The following ARHGAP15 variants were observed in gnomAD, a reference collection of about 807,000 sequenced individuals.
ARHGAP15 encodes Rho GTPase activating protein 15.
Under a neutral mutation model 63.7 loss-of-function variants are expected in ARHGAP15, and 51 were observed. That is an observed-to-expected ratio of 0.80 (90% CI 0.64 to 1.01). The LOEUF (loss-of-function observed/expected upper bound fraction) is 1.01, where lower values mean the gene tolerates loss of function less well. Ranked by LOEUF, ARHGAP15 falls within the 50% of genes least tolerant of loss-of-function variation. The pLI is 0.00. For missense variants in ARHGAP15, 560 were observed against 564.6 expected (o/e 0.99, Z 0.08); for synonymous variants, 191 against 193.8 (o/e 0.99, Z 0.12).
At chr2:143,651,989 A>T (rs780074850) in intron 12 of ARHGAP15, among the ~76,000 whole-genome samples, 17 of 151,766 alleles carry the variant, frequency 1.1e-4, no homozygotes, top group Non-Finnish European at 1.8e-4. Context: ...CTTTTTTGTC[A>T]TCTCTGCATT....
intron 2 of ARHGAP15, among the ~76,000 whole-genome samples, chr2:143,157,106 A>G (rs1690111876): frequency 1.3e-5 from 2 of 151,986 alleles, no homozygotes; most frequent in South Asian, 4.1e-4. Context: ...TATGGAGAGA[A>G]ATTACAAGTG....
intron 6 of ARHGAP15, among the ~76,000 whole-genome samples, chr2:143,429,537 G>C (rs1689292572): frequency 6.6e-6 from 1 of 152,032 alleles, no homozygotes; most frequent in East Asian, 1.9e-4. Context: ...TGCTTACATG[G>C]GCAGGTTATT....
At chr2:143,377,662 A>G (rs994354175) in intron 6 of ARHGAP15, among the ~76,000 whole-genome samples, 3 of 152,050 alleles carry the variant, frequency 2.0e-5, no homozygotes, top group Admixed American at 2.0e-4. Flanking sequence ...AATACAACAA[A>G]TACAGTGTTA....
chr2:143,537,854 C>T (rs1416158788), intron 10 of ARHGAP15, among the ~76,000 whole-genome samples: 1 of 152,006 alleles, frequency 6.6e-6, no homozygotes, highest in Non-Finnish European at 1.5e-5. Context: ...ATTGACTTGG[C>T]AATGCGGGCT....
chr2:143,285,536 T>G (rs965050441), intron 6 of ARHGAP15, among the ~76,000 whole-genome samples: 2 of 152,194 alleles, frequency 1.3e-5, no homozygotes, highest in African/African-American at 4.8e-5. Context: ...AAATGCATTC[T>G]ATGAACTACT....
chr2:143,526,055 C>T (rs1385430080), intron 10 of ARHGAP15, among the ~76,000 whole-genome samples: 1 of 152,150 alleles, frequency 6.6e-6, no homozygotes, highest in Admixed American at 6.6e-5. Flanking sequence ...ATGCTTGAAA[C>T]TTAAACCTTG....
At chr2:143,664,330 C>T (rs563998713) in intron 12 of ARHGAP15, among the ~76,000 whole-genome samples, 13 of 151,150 alleles carry the variant, frequency 8.6e-5, no homozygotes, top group South Asian at 4.2e-4. Context: ...GGATACATAA[C>T]GAAATGAAGG....
At position 143,675,869 on chromosome 2, in the gene ARHGAP15, C is replaced by T. The variant is rs375340383; in HGVS notation, c.1139-27550C>T. Among the ~76,000 whole-genome samples the T allele has an allele frequency of 1.4e-4, 22 of 152,358 alleles. No homozygotes were observed. In the East Asian group the frequency reaches 4.2e-3, roughly 29 times the overall value. ...CCCTAACAAAGAGAGCCAGCCTGTC[C>T]TTTGAAGCTGTGAAGCTAGGCATTG... On this transcript the variant is annotated intron_variant, in intron 12 of 13. Transcript: ENST00000295095.
At chr2:143,350,822 GA>G (rs1685530285) in intron 6 of ARHGAP15, 1 of 110,810 alleles carries the variant, frequency 9.0e-6, no homozygotes, top group African/African-American at 3.6e-5. Flanking sequence ...CTCGATGACA[GA>G]GCGAGACTCA....
chr2:143,263,749 C>G (rs773965383), intron 6 of ARHGAP15, among the ~76,000 whole-genome samples: 1 of 151,960 alleles, frequency 6.6e-6, no homozygotes, highest in Non-Finnish European at 1.5e-5. Flanking sequence ...CTCTAAAGAG[C>G]AGGAAAAGTC....
intron 7 of ARHGAP15, 96 bp from the exon 8 acceptor site, chr2:143,436,817 A>G: frequency 1.5e-6 from 2 of 1,324,486 alleles, no homozygotes; most frequent in Non-Finnish European, 2.1e-6. Context: ...ACCTTACTTC[A>G]AATTTCCCCA....
At chr2:143,552,246 C>T (rs1365595213) in intron 10 of ARHGAP15, among the ~76,000 whole-genome samples, 2 of 152,184 alleles carry the variant, frequency 1.3e-5, no homozygotes, top group Non-Finnish European at 2.9e-5. Flanking sequence ...AGCAGGCTTT[C>T]AGGACACACC....
intron 8 of ARHGAP15, among the ~76,000 whole-genome samples, chr2:143,438,055 G>C (rs1184512978): frequency 6.6e-6 from 1 of 152,122 alleles, no homozygotes; most frequent in East Asian, 1.9e-4. Flanking sequence ...TGGAACCAGA[G>C]AAAACCTATT....
intron 6 of ARHGAP15, among the ~76,000 whole-genome samples, chr2:143,308,477 A>AACAC (rs4008341): frequency 5.6e-4 from 83 of 149,280 alleles, no homozygotes; most frequent in South Asian, 2.5e-3. Context: ...GTTGATAAGA[A>AACAC]ACACACACAC....
chr2:143,581,960 T>C (rs904217090), intron 11 of ARHGAP15, among the ~76,000 whole-genome samples: 2 of 152,198 alleles, frequency 1.3e-5, no homozygotes, highest in African/African-American at 2.4e-5. Flanking sequence ...CTAAAGACTC[T>C]GGAAAGTGAT....
intron 10 of ARHGAP15, among the ~76,000 whole-genome samples, chr2:143,551,743 T>G (rs535182511): frequency 6.6e-6 from 1 of 152,280 alleles, no homozygotes; most frequent in East Asian, 1.9e-4. Flanking sequence ...GATGGGTGTC[T>G]CATAAGAAAT....
chr2:143,425,972 G>C (rs1689123144), intron 6 of ARHGAP15, among the ~76,000 whole-genome samples: 1 of 152,118 alleles, frequency 6.6e-6, no homozygotes, highest in Non-Finnish European at 1.5e-5. Context: ...TCTCCCCAAA[G>C]TATATAACTT....
intron 1 of ARHGAP15, among the ~76,000 whole-genome samples, chr2:143,148,057 C>A (rs546934908): frequency 4.8e-4 from 73 of 152,098 alleles, no homozygotes; most frequent in African/African-American, 1.7e-3. Context: ...ACCAGGTTCT[C>A]CTAAGGCAGC....
chr2:143,589,697 T>A (rs898502437), intron 11 of ARHGAP15, among the ~76,000 whole-genome samples: 1 of 152,140 alleles, frequency 6.6e-6, no homozygotes, highest in Non-Finnish European at 1.5e-5. Context: ...ATCAATCAAA[T>A]GGCTATGATA....
Sources: gnomAD v4.1 joint callset for allele counts (sites outside exome capture counted in the v4.1 genomes callset) on GRCh38, gnomAD v4.1.1 for gene constraint, MANE v1.5 for transcripts, NCBI Gene and HGNC (gene_info 2026-07-23, HGNC 2026-07-21) for gene names.